Variants in STRN4 observed in about 807,000 individuals in gnomAD.
The protein encoded by STRN4 is striatin 4.
Under a neutral mutation model 77.9 loss-of-function variants are expected in STRN4, and 27 were observed. That is an observed-to-expected ratio of 0.35 (90% CI 0.26 to 0.48). The LOEUF is 0.48. Among genes scored for constraint, STRN4 ranks in the 20% least tolerant of loss-of-function variants. The probability of loss-of-function intolerance (pLI) is 0.99; values close to 1 mark genes in which losing one functional copy is unlikely to be tolerated. For missense variants in STRN4, 798 were observed against 1,049.7 expected, an observed-to-expected ratio of 0.76 and a Z score of 3.31; for synonymous variants, 466 against 443.1, an observed-to-expected ratio of 1.05 and a Z score of -0.65.
rs2054610888 is a variant in STRN4, at chr19:46,746,302, C to T, written c.129G>A (p.Pro43=). 4.3e-6 allele frequency: 6 copies of T among 1,386,354 alleles called. No homozygotes were observed. The highest frequency in any genetic ancestry group is 5.6e-6 in the Non-Finnish European group (6 of 1,073,432). The allele number at this position is 1,386,354 out of a possible 1,614,324, so 85.9% of individuals were successfully genotyped here. A position where few individuals can be genotyped will look rare whatever the true frequency, so the allele number is the denominator to read the frequency against. ...CTCCGCCGCCGCCTCCCTTACCTGC[C>T]GGGCCCGGCCCGGGGGCAGGGGCGG... ...PVSAPAPGPG[P]AGKGGGGGGS... Residue 43 remains proline, a synonymous_variant, in exon 1 of 18, where the codon CCG becomes CCA. Coordinates refer to ENST00000263280, the MANE Select transcript of STRN4 (RefSeq NM_013403.3).
chr19:46,728,028 G>A (rs905485729), intron 7 of STRN4, 21 bp from the exon 8 acceptor site: 6 of 1,608,044 alleles, frequency 3.7e-6, no homozygotes, highest in Non-Finnish European at 4.2e-6. Context: ...GAGGCATAGG[G>A]CCGGAGTCAC....
Position 46,723,011 on chromosome 19 carries a change from G to A in STRN4, c.1766-61C>T, listed in dbSNP as rs996090009. ...CCCTCAGACCCAGCCCTGCCCCAGG[G>A]TGGGGGACAGTGGGTGGGAGGCCTG... On this transcript the variant is annotated intron_variant, in intron 13 of 17. Coordinates refer to ENST00000263280, the MANE Select transcript of STRN4 (RefSeq NM_013403.3). The surrounding 1 kb of genome is among the most constrained non-coding windows in gnomAD (Gnocchi z 5.5). The A allele has an allele frequency of 1.2e-6, 2 of 1,601,926 alleles. No homozygotes were observed. Among genetic ancestry groups the A allele is most frequent in the Admixed American group, 1.7e-5 (1 of 59,408 alleles).
intron 1 of STRN4, among the ~76,000 whole-genome samples, chr19:46,743,936 A>C (rs2054521250): frequency 6.6e-6 from 1 of 151,680 alleles, no homozygotes; most frequent in Non-Finnish European, 1.5e-5. Context: ...TAAATAAATA[A>C]ATAAATAAAC....
rs777821630 is a variant in STRN4, at chr19:46,733,159, G to C, written c.617C>G (p.Ser206Trp). 1 of 1,611,924 alleles carries C rather than the reference G, an allele frequency of 6.2e-7. No homozygotes were observed. Among genetic ancestry groups the C allele is most frequent in the Non-Finnish European group, 8.5e-7 (1 of 1,180,006 alleles). The stretch of plus-strand genomic sequence containing the variant: ...CTCCACTGCCCCGTTGAGCTCCAGC[G>C]AGCGGCCCAGCAGGGAACGGACGCG... ...SKRVRSLLGR[S>W]LELNGAVEPS... The change falls in exon 5 of 18, where the codon TCG (serine) becomes TGG (tryptophan). Residue 206 changes from serine to tryptophan, a missense_variant. Ser to Trp is a radical substitution (Grantham distance 177, BLOSUM62 -3). This residue lies in a region of STRN4 where 511 missense variants were observed against 575.9 expected (regional missense o/e 0.89). Transcript: ENST00000263280. The surrounding 1 kb of genome is among the most constrained non-coding windows in gnomAD (Gnocchi z 4.3).
rs1257374611 is a variant in STRN4 at position 46,725,197 on chromosome 19, C to T, written c.1472+135G>A. ...CCCCAAGAACCAGGGCTGTGTATAT[C>T]ATGAAGGGGGCGGGGACTCAGAGCC... On this transcript the variant is annotated intron_variant, in intron 11 of 17. Transcript: ENST00000263280. 5.5e-6 allele frequency: 7 copies of T among 1,269,836 alleles called. No individual in the cohort carries two copies. In the Admixed American group the frequency reaches 1.3e-4, roughly 24 times the overall value. 78.7% of individuals were successfully genotyped at this position (1,269,836 alleles called of 1,614,324 possible). A position where few individuals can be genotyped will look rare whatever the true frequency, so the allele number is the denominator to read the frequency against.
At chr19:46,724,249 C>CAAAAAAAAAAAAAAAAAAAAAAA (rs71970589) in intron 12 of STRN4, among the ~76,000 whole-genome samples, 2 of 87,206 alleles carry the variant, frequency 2.3e-5, no homozygotes, top group African/African-American at 1.0e-4. Context: ...CTCTTTGTCT[C>CAAAAAAAAAAAAAAAAAAAAAAA]AAAAAAAAAA....
In STRN4 at chr19:46,738,066, G is replaced by C; in HGVS notation, c.460+98C>G. 7.9e-7 allele frequency: 1 copy of C among 1,269,698 alleles called. No homozygotes were observed. The highest frequency in any genetic ancestry group is 1.2e-6 in the Non-Finnish European group (1 of 867,152). The allele number at this position is 1,269,698 out of a possible 1,614,324, so 78.7% of individuals were successfully genotyped here. The stretch of plus-strand genomic sequence containing the variant: ...CCCGGGGCCGATTCTGCCTTCTAAG[G>C]AGCAAAGTGAGAAAGAGGCACCCCA... On this transcript the variant is annotated intron_variant, in intron 3 of 17. Transcript: ENST00000263280. The surrounding 1 kb of genome is among the most constrained non-coding windows in gnomAD (Gnocchi z 4.5).
chr19:46,735,115 G>A (rs985631216), intron 4 of STRN4, among the ~76,000 whole-genome samples: 3 of 152,000 alleles, frequency 2.0e-5, no homozygotes, highest in African/African-American at 7.3e-5. Flanking sequence ...AGACCAGCTT[G>A]GCCAACATGG....
intron 6 of STRN4, among the ~76,000 whole-genome samples, chr19:46,729,409 C>A (rs2054197785): frequency 6.6e-6 from 1 of 152,184 alleles, no homozygotes; most frequent in African/African-American, 2.4e-5. Flanking sequence ...CGTGGCTGAC[C>A]CCTTCCACAT....
chr19:46,745,101 C>G (rs756050647), intron 1 of STRN4, among the ~76,000 whole-genome samples: 7 of 151,670 alleles, frequency 4.6e-5, no homozygotes, highest in African/African-American at 1.2e-4. Flanking sequence ...AATTCTCCCC[C>G]CTAAAGCATC....
chr19:46,726,419 A>G (rs1415831181), intron 9 of STRN4, among the ~76,000 whole-genome samples: 4 of 151,816 alleles, frequency 2.6e-5, no homozygotes, highest in Non-Finnish European at 4.4e-5. Flanking sequence ...CCAAGGCAGA[A>G]CGATCATTTG....
intron 14 of STRN4, 143 bp downstream of exon 14, chr19:46,722,667 G>A: frequency 7.5e-7 from 1 of 1,326,610 alleles, no homozygotes; most frequent in Non-Finnish European, 1.0e-6. Context: ...CCTCCACTGG[G>A]ACCCAACTTC....
Position 46,738,348 on chromosome 19 carries a change from C to T in STRN4, c.387-111G>A. 6 of 1,015,574 alleles carry T rather than the reference C, an allele frequency of 5.9e-6. No individual in the cohort carries two copies. The highest frequency in any genetic ancestry group is 9.2e-6 in the Non-Finnish European group (6 of 653,848). The allele number at this position is 1,015,574 out of a possible 1,614,324, so 62.9% of individuals were successfully genotyped here. ...CCAAATCACAGGGCCTCCCCCAGCT[C>T]GTCTACTACTGAGGCTGAAGCATCC... On this transcript the variant is annotated intron_variant, in intron 2 of 17. Transcript: ENST00000263280. The surrounding 1 kb of genome is among the most constrained non-coding windows in gnomAD (Gnocchi z 4.5).
chr19:46,743,672 G>A (rs1308943950), intron 1 of STRN4, among the ~76,000 whole-genome samples: 1 of 152,166 alleles, frequency 6.6e-6, no homozygotes. Context: ...GGCCGAGGCA[G>A]GTGGATCTCT....
chr19:46,737,003 C>A (rs2054379685), intron 3 of STRN4, 102 bp from the exon 4 acceptor site: 1 of 1,118,914 alleles, frequency 8.9e-7, no homozygotes, highest in East Asian at 2.6e-5. Context: ...CGGTCACTGT[C>A]GCAGGTCCTG....
At chr19:46,735,848 C>A (rs2054349202) in intron 4 of STRN4, among the ~76,000 whole-genome samples, 1 of 151,892 alleles carries the variant, frequency 6.6e-6, no homozygotes, top group Admixed American at 6.6e-5. Context: ...CCTGTAATCC[C>A]AGCTACTAGG....
chr19:46,728,625 A>G lies in STRN4; in HGVS notation c.1032T>C (p.His344=), dbSNP rs1216873877. 1.2e-6 allele frequency: 2 copies of G among 1,613,118 alleles called. No individual in the cohort carries two copies. Among genetic ancestry groups the G allele is most frequent in the East Asian group, 2.2e-5 (1 of 44,854 alleles). The change falls in exon 7 of 18, where the codon CAT becomes CAC. Residue 344 remains histidine (H), a synonymous_variant. Coordinates refer to ENST00000263280, the MANE Select transcript of STRN4 (RefSeq NM_013403.3). Reference sequence around the variant, plus strand: ...CAGAAAACGTCAGCTCACCCAGCTCATGGGGGCTCCCATCCACAGTGCACC... The same window carrying G: ...CAGAAAACGTCAGCTCACCCAGCTCGTGGGGGCTCCCATCCACAGTGCACC... ...PRRCTVDGSP[H]ELESRRVKLQ...
rs766899599 is a variant in STRN4, at chr19:46,741,435, A to C, written c.283-2547T>G. On this transcript the variant is annotated intron_variant, in intron 1 of 17. Coordinates refer to ENST00000263280, the MANE Select transcript of STRN4 (RefSeq NM_013403.3). This position sits in a 1 kb window ranked among gnomAD's most constrained non-coding sequence, Gnocchi z 4.9. ...TGTCCCTTTCCCAGTGCCTCTGGAAAGAGAACCAGAAAGACATGGTTGGAG... is the reference window on the plus strand; with the variant it reads ...TGTCCCTTTCCCAGTGCCTCTGGAACGAGAACCAGAAAGACATGGTTGGAG... 1.8e-4 allele frequency among the ~76,000 whole-genome samples: 27 copies of C among 152,208 alleles called. No individual in the cohort carries two copies. Among genetic ancestry groups the C allele is most frequent in the Admixed American group, 2.6e-4 (4 of 15,280 alleles).
At chr19:46,746,040 C>CA in intron 1 of STRN4, 109 bp downstream of exon 1, 1 of 1,182,398 alleles carries the variant, frequency 8.5e-7, no homozygotes, top group Non-Finnish European at 1.1e-6. Flanking sequence ...CGCCCCCCCG[C>CA]CGGCCGTCCC....
Sources: allele counts gnomAD v4.1 joint callset (sites outside exome capture counted in the v4.1 genomes callset), GRCh38; gene constraint gnomAD v4.1.1; regional missense constraint gnomAD v4.1.1; non-coding constraint Gnocchi (gnomAD v3.1); transcripts MANE v1.5; gene names NCBI Gene and HGNC (gene_info 2026-07-23, HGNC 2026-07-21).